RBMS3: variants seen among roughly 807,000 people sequenced by gnomAD.
RBMS3 encodes the protein RNA binding motif single stranded interacting protein 3.
Under a neutral mutation model 66.8 loss-of-function variants are expected in RBMS3, and 27 were observed. That is an observed-to-expected ratio of 0.40 (90% CI 0.30 to 0.56). The LOEUF (loss-of-function observed/expected upper bound fraction) is 0.56, where lower values mean the gene tolerates loss of function less well. RBMS3 is among the 20% of genes least tolerant of loss of function. RBMS3 has a pLI of 0.40. For missense variants in RBMS3, 513 were observed against 549.5 expected, an observed-to-expected ratio of 0.93 and a Z score of 0.66; for synonymous variants, 188 against 183.0, an observed-to-expected ratio of 1.03 and a Z score of -0.22.
chr3:29,542,739 A>G (rs983468537), intron 3 of RBMS3, among the ~76,000 whole-genome samples: 1 of 152,126 alleles, frequency 6.6e-6, no homozygotes, highest in African/African-American at 2.4e-5. Flanking sequence ...TAAGTCTTGA[A>G]CTATTTCTAG....
intron 3 of RBMS3, among the ~76,000 whole-genome samples, chr3:29,576,764 A>G (rs895598364): frequency 2.0e-5 from 3 of 152,116 alleles, no homozygotes; most frequent in African/African-American, 7.2e-5. Context: ...CACTGCCACC[A>G]CTGGCCCATT....
chr3:29,778,768 A>G (rs2056515402), intron 6 of RBMS3, among the ~76,000 whole-genome samples: 1 of 151,884 alleles, frequency 6.6e-6, no homozygotes, highest in Non-Finnish European at 1.5e-5. Context: ...CTAGTGTTGC[A>G]AGATTGGCTA....
At chr3:29,994,593 A>G (rs1699094180) in intron 14 of RBMS3, among the ~76,000 whole-genome samples, 1 of 152,226 alleles carries the variant, frequency 6.6e-6, no homozygotes, top group African/African-American at 2.4e-5. Context: ...GAGAATGGGC[A>G]GACTGCCTCC....
intron 4 of RBMS3, among the ~76,000 whole-genome samples, chr3:29,727,201 A>G (rs942990629): frequency 6.6e-6 from 1 of 152,312 alleles, no homozygotes; most frequent in Middle Eastern, 3.4e-3. Context: ...CTTACACCTT[A>G]TACAAAAATT....
At chr3:29,770,164 C>T (rs1303965147) in intron 6 of RBMS3, among the ~76,000 whole-genome samples, 1 of 151,912 alleles carries the variant, frequency 6.6e-6, no homozygotes, top group African/African-American at 2.4e-5. Flanking sequence ...CTTTTTGCCA[C>T]TGGAGCTAGT....
At chr3:29,456,423 C>T (rs2042192950) in intron 2 of RBMS3, among the ~76,000 whole-genome samples, 2 of 152,170 alleles carry the variant, frequency 1.3e-5, no homozygotes. Flanking sequence ...AATGGATTCA[C>T]AGCAGCAGCG....
At chr3:29,898,268 T>G (rs2060173566) in intron 9 of RBMS3, among the ~76,000 whole-genome samples, 1 of 151,726 alleles carries the variant, frequency 6.6e-6, no homozygotes, top group African/African-American at 2.4e-5. Context: ...ATATATATGC[T>G]GCACGTAGAA....
At chr3:29,689,115 AGATATAGATATAGATATAT>A (rs1335421717) in intron 4 of RBMS3, among the ~76,000 whole-genome samples, 1 of 27,372 alleles carries the variant, frequency 3.7e-5, no homozygotes, top group Non-Finnish European at 8.0e-5. Context: ...ATATAGATAT[AGATATAGATATAGATATAT>A]TGGCTTCTTG....
At chr3:29,743,423 C>T (rs2054727870) in intron 5 of RBMS3, among the ~76,000 whole-genome samples, 2 of 152,166 alleles carry the variant, frequency 1.3e-5, no homozygotes, top group African/African-American at 4.8e-5. Flanking sequence ...TGTCTTGGGA[C>T]AGTGGTTCTC....
At chr3:29,597,695 A>G (rs2047999070) in intron 4 of RBMS3, among the ~76,000 whole-genome samples, 1 of 152,192 alleles carries the variant, frequency 6.6e-6, no homozygotes, top group African/African-American at 2.4e-5. Context: ...AGAAAATGGT[A>G]AAATTCAAAA....
chr3:29,701,966 T>G (rs1396488167), intron 4 of RBMS3, among the ~76,000 whole-genome samples: 1 of 152,162 alleles, frequency 6.6e-6, no homozygotes, highest in Non-Finnish European at 1.5e-5. Context: ...CCCGCGGCCG[T>G]GGCGCGGGAT....
chr3:29,539,277 G>A (rs943088610), intron 3 of RBMS3, among the ~76,000 whole-genome samples: 1 of 152,188 alleles, frequency 6.6e-6, no homozygotes, highest in African/African-American at 2.4e-5. Context: ...TTGGATTGCA[G>A]CCTTCCTTGT....
chr3:29,301,497 C>T (rs1408104712), intron 1 of RBMS3, among the ~76,000 whole-genome samples: 1 of 152,002 alleles, frequency 6.6e-6, no homozygotes, highest in Non-Finnish European at 1.5e-5. Flanking sequence ...TTTAGTTTGA[C>T]GCTTATGTGC....
chr3:29,479,722 C>T (rs1427870715), intron 2 of RBMS3, among the ~76,000 whole-genome samples: 1 of 152,158 alleles, frequency 6.6e-6, no homozygotes, highest in African/African-American at 2.4e-5. Context: ...TCTTCAGGCT[C>T]AGTCAGCTTG....
intron 4 of RBMS3, among the ~76,000 whole-genome samples, chr3:29,631,086 T>C (rs763962936): frequency 6.6e-6 from 1 of 151,966 alleles, no homozygotes; most frequent in South Asian, 2.1e-4. Flanking sequence ...AGGTATTTAG[T>C]TGGTATTAAG....
intron 7 of RBMS3, among the ~76,000 whole-genome samples, chr3:29,879,029 A>C (rs9816599): frequency 0.2 from 30,160 of 152,112 alleles, 3,746 homozygotes; most frequent in African/African-American, 0.34. Flanking sequence ...ACAGAGTGAG[A>C]ACCTGTGTCT....
At chr3:29,568,077 A>C (rs1011412503) in intron 3 of RBMS3, among the ~76,000 whole-genome samples, 9 of 152,208 alleles carry the variant, frequency 5.9e-5, no homozygotes, top group African/African-American at 2.2e-4. Context: ...TCCAGTGTGC[A>C]TAAAATGTTC....
rs1187247357 is a variant in RBMS3, at chr3:29,597,031, A to G, written c.399+9826A>G. On this transcript the variant is annotated intron_variant, in intron 4 of 14. Coordinates refer to ENST00000383767, the MANE Select transcript of RBMS3 (RefSeq NM_001003793.3). ...ATCCTTCTAACTATTGACTGGTGGA[A>G]TGGGACAAGATGGACATCTTTGTTT... Among the ~76,000 whole-genome samples, 4 of 152,186 alleles carry G rather than the reference A, an allele frequency of 2.6e-5. No homozygotes were observed. The South Asian group carries it at 6.2e-4, about 24-fold the overall frequency.
intron 3 of RBMS3, among the ~76,000 whole-genome samples, chr3:29,575,040 G>A (rs2047072065): frequency 6.6e-6 from 1 of 152,000 alleles, no homozygotes; most frequent in Non-Finnish European, 1.5e-5. Flanking sequence ...CACAATTATA[G>A]TGTTATACAA....
Sources: gnomAD v4.1 joint callset for allele counts (sites outside exome capture counted in the v4.1 genomes callset) on GRCh38, gnomAD v4.1.1 for gene constraint, MANE v1.5 for transcripts, NCBI Gene and HGNC (gene_info 2026-07-23, HGNC 2026-07-21) for gene names.